ZNF518A: variants seen among roughly 807,000 people sequenced by gnomAD.
ZNF518A encodes the protein zinc finger protein 518A.
Under a neutral mutation model 102.7 loss-of-function variants are expected in ZNF518A, and 47 were observed. That is an observed-to-expected ratio of 0.46 (90% CI 0.36 to 0.58). The LOEUF (loss-of-function observed/expected upper bound fraction) is 0.58. Among genes scored for constraint, ZNF518A ranks in the 20% least tolerant of loss-of-function variants. The probability of loss-of-function intolerance (pLI) is 0.00; values close to 1 mark genes in which losing one functional copy is unlikely to be tolerated. For missense variants in ZNF518A, 1,793 were observed against 1,699.8 expected, an observed-to-expected ratio of 1.05 and a Z score of -0.96; for synonymous variants, 652 against 594.6, an observed-to-expected ratio of 1.10 and a Z score of -1.40.
chr10:96,157,678 A>G lies in ZNF518A; in HGVS notation c.1356A>G (p.Gly452=), dbSNP rs782570885. Residue 452 remains glycine, a synonymous_variant, in exon 6 of 6, where the codon GGA becomes GGG. Coordinates refer to ENST00000316045, the MANE Select transcript of ZNF518A (RefSeq NM_001330736.2). ...TTATGGGCTTCAAGATGATGGATGGAAAACAGCATATTGTATTAAAATTGG... is the reference window on the plus strand; with the variant it reads ...TTATGGGCTTCAAGATGATGGATGGGAAACAGCATATTGTATTAAAATTGG... ...ATFMGFKMMD[G]KQHIVLKLVP... 1.2e-6 allele frequency: 2 copies of G among 1,613,892 alleles called. No homozygotes were observed. The highest frequency in any genetic ancestry group is 1.7e-6 in the Non-Finnish European group (2 of 1,179,796).
In ZNF518A at chr10:96,133,619, C is replaced by T. The variant is rs2081447930; in HGVS notation, c.-331C>T. 2.6e-5 allele frequency: 4 copies of T among 152,100 alleles called. No individual in the cohort carries two copies. The highest frequency in any genetic ancestry group is 1.3e-4 in the Admixed American group (2 of 15,268). 9.4% of individuals were successfully genotyped at this position (152,100 alleles called of 1,614,324 possible). A position where few individuals can be genotyped will look rare whatever the true frequency, so the allele number is the denominator to read the frequency against. ...TTTGAAATGCTAAGATTCTTGGATA[C>T]CACAGTATCATAAAATTCCTCTAAA... On this transcript the variant is annotated 5_prime_UTR_variant, in exon 3 of 6. Coordinates refer to ENST00000316045, the MANE Select transcript of ZNF518A (RefSeq NM_001330736.2).
At chr10:96,140,668 T>C (rs1208573302) in intron 3 of ZNF518A, among the ~76,000 whole-genome samples, 6 of 152,016 alleles carry the variant, frequency 3.9e-5, no homozygotes, top group African/African-American at 1.5e-4. Context: ...TGGTGGCTTA[T>C]GTCTGTAGTC....
At chr10:96,163,891 T>G (rs2083090198), downstream of ZNF518A, 1 of 165,562 alleles carries the variant, frequency 6.0e-6, no homozygotes, top group African/African-American at 2.4e-5. Flanking sequence ...GTACCTCACC[T>G]GTGTAAAAGA....
intron 1 of ZNF518A, among the ~76,000 whole-genome samples, chr10:96,188,149 C>G (rs1419007257): frequency 1.3e-5 from 2 of 152,256 alleles, no homozygotes; most frequent in Non-Finnish European, 2.9e-5. Flanking sequence ...CATGCCCAGC[C>G]TCTTAAAGAC....
downstream of ZNF518A, among the ~76,000 whole-genome samples, chr10:96,165,615 C>T (rs2083132413): frequency 6.6e-6 from 1 of 152,124 alleles, no homozygotes; most frequent in Non-Finnish European, 1.5e-5. Context: ...ACCCCCATTA[C>T]CCTCTTCCTC....
At chr10:96,172,030 TCAAAATTGAAGG>T (rs1554890936) in intron 1 of ZNF518A, among the ~76,000 whole-genome samples, 1 of 152,106 alleles carries the variant, frequency 6.6e-6, no homozygotes, top group East Asian at 1.9e-4. Context: ...AAACTGTCTT[TCAAAATTGAAGG>T]CAAAATGGAT....
rs782547336 is a variant in ZNF518A, at chr10:96,191,993, A to G, written n.36-11581A>G. 6.2e-7 allele frequency: 1 copy of G among 1,613,772 alleles called. No homozygotes were observed. The highest frequency in any genetic ancestry group is 8.5e-7 in the Non-Finnish European group (1 of 1,179,780). On this transcript the variant is annotated intron_variant and non_coding_transcript_variant, in intron 1 of 2. Transcript: ENST00000442635. ...CCCCTTTATGAAACTTTAACTGCAT[A>G]CTTCAGTCTGGTGGAATCTTTTGTG...
chr10:96,176,200 T>C (rs1310647358), intron 1 of ZNF518A, among the ~76,000 whole-genome samples: 9 of 151,988 alleles, frequency 5.9e-5, no homozygotes, highest in African/African-American at 2.2e-4. Flanking sequence ...CAAAGCAATG[T>C]TATAGATGTG....
chr10:96,180,744 C>T (rs2083235354), intron 1 of ZNF518A, among the ~76,000 whole-genome samples: 1 of 152,142 alleles, frequency 6.6e-6, no homozygotes, highest in Non-Finnish European at 1.5e-5. Flanking sequence ...CAGTCTATCA[C>T]TGATGGACAT....
rs1554870994 is a variant in ZNF518A at position 96,130,356 on chromosome 10, C to T, written c.-849C>T. Among the ~76,000 whole-genome samples, 2 of 152,250 alleles carry T rather than the reference C, an allele frequency of 1.3e-5. No homozygotes were observed. The highest frequency in any genetic ancestry group is 2.9e-5 in the Non-Finnish European group (2 of 68,042). On this transcript the variant is annotated 5_prime_UTR_variant, in exon 1 of 6. Coordinates refer to ENST00000316045, the MANE Select transcript of ZNF518A (RefSeq NM_001330736.2). ...TTTTTTTGCCGAGCGCTTTTGCCGA[C>T]TGCTAGAGCTTACCCTTACTTTCTT...
Position 96,157,938 on chromosome 10 carries a change from A to G in ZNF518A, c.1616A>G (p.Asn539Ser). The G allele has an allele frequency of 6.2e-7, 1 of 1,613,878 alleles. No homozygotes were observed. The highest frequency in any genetic ancestry group is 1.3e-5 in the African/African-American group (1 of 75,050). The change falls in exon 6 of 6, where the codon AAT becomes AGT. Residue 539 changes from asparagine to serine, a missense_variant. Physicochemically the swap from Asn to Ser is conservative, Grantham distance 46. Around this residue, in one of 3 missense-constraint regions of ZNF518A, gnomAD observed 1,741 missense variants for 1,622.6 expected, o/e 1.07. Transcript: ENST00000316045. Reference sequence around the variant, plus strand: ...ATGACTTTGATATCTCAAAGGAATAATATGCTTCAAACAATGGATTATGAG... The same window carrying G: ...ATGACTTTGATATCTCAAAGGAATAGTATGCTTCAAACAATGGATTATGAG... ...KEMTLISQRN[N>S]MLQTMDYEKS...
intron 1 of ZNF518A, among the ~76,000 whole-genome samples, chr10:96,180,039 T>C (rs958543735): frequency 2.0e-5 from 3 of 151,910 alleles, no homozygotes; most frequent in Non-Finnish European, 2.9e-5. Flanking sequence ...CCATCACGCC[T>C]GGCTGATTTT....
intron 1 of ZNF518A, among the ~76,000 whole-genome samples, chr10:96,172,838 A>G (rs886275415): frequency 1.2e-4 from 19 of 152,162 alleles, no homozygotes; most frequent in Admixed American, 1.2e-3. Flanking sequence ...ATAACATTAA[A>G]TGTGAATGGA....
chr10:96,176,600 C>CA (rs2083205894), intron 1 of ZNF518A, among the ~76,000 whole-genome samples: 1 of 151,790 alleles, frequency 6.6e-6, no homozygotes, highest in Admixed American at 6.6e-5. Flanking sequence ...CTTGTTTCTA[C>CA]AAAAAAACAA....
At chr10:96,140,116 G>T (rs1430494834) in intron 3 of ZNF518A, among the ~76,000 whole-genome samples, 2 of 151,998 alleles carry the variant, frequency 1.3e-5, no homozygotes, top group African/African-American at 4.8e-5. Flanking sequence ...CCTCAGCCTC[G>T]CAGAGTGCTA....
In ZNF518A at chr10:96,159,295, C is replaced by T. The variant is rs376161295; in HGVS notation, c.2973C>T (p.Ser991=). Residue 991 remains serine, a synonymous_variant, in exon 6 of 6, where the codon TCC becomes TCT. Coordinates refer to ENST00000316045, the MANE Select transcript of ZNF518A (RefSeq NM_001330736.2). The part of the protein sequence containing the change: ...TLNNGKLEGV[S]AVKTEGAPAR... ...ATAATGGGAAACTTGAAGGTGTTTC[C>T]GCTGTCAAAACCGAGGGTGCCCCAG... The T allele has an allele frequency of 6.4e-5, 103 of 1,613,256 alleles. No individual in the cohort carries two copies. Among genetic ancestry groups the T allele is most frequent in the African/African-American group, 3.5e-4 (26 of 74,982 alleles).
chr10:96,150,605 A>G (rs1481297615), intron 3 of ZNF518A, among the ~76,000 whole-genome samples: 1 of 149,578 alleles, frequency 6.7e-6, no homozygotes, highest in Non-Finnish European at 1.5e-5. Flanking sequence ...TTCCTCCCGC[A>G]TCTACTTTGT....
chr10:96,147,983 GT>G (rs1280811026), intron 3 of ZNF518A, among the ~76,000 whole-genome samples: 2 of 151,620 alleles, frequency 1.3e-5, no homozygotes, highest in East Asian at 3.9e-4. Flanking sequence ...TCTGTGTTTT[GT>G]TTTTTTCTGA....
intron 3 of ZNF518A, among the ~76,000 whole-genome samples, chr10:96,148,739 G>A (rs770400322): frequency 1.9e-4 from 29 of 152,100 alleles, no homozygotes; most frequent in Non-Finnish European, 3.5e-4. Context: ...TTTTTGAGAC[G>A]GAGTCTCGCC....
Sources: gnomAD v4.1 joint callset for allele counts (sites outside exome capture counted in the v4.1 genomes callset) on GRCh38, gnomAD v4.1.1 for gene constraint, gnomAD v4.1.1 regional missense constraint, MANE v1.5 for transcripts, NCBI Gene and HGNC (gene_info 2026-07-23, HGNC 2026-07-21) for gene names.